SUCO: variants seen among roughly 807,000 people sequenced by gnomAD.
The protein encoded by SUCO is SUN domain containing ossification factor.
In SUCO, 57 loss-of-function variants were observed where a neutral mutation model predicts 148.1. That is an observed-to-expected ratio of 0.38 (90% CI 0.31 to 0.48). The LOEUF (loss-of-function observed/expected upper bound fraction) is 0.48. Ranked by LOEUF, SUCO falls within the 20% of genes least tolerant of loss-of-function variation. SUCO has a pLI of 0.96. For synonymous variants in SUCO, 470 were observed against 502.7 expected (o/e 0.93, Z 0.87); for missense variants, 1,331 against 1,468.2 (o/e 0.91, Z 1.53).
chr1:172,552,522 A>C, intron 2 of SUCO: 1 of 497,022 alleles, frequency 2.0e-6, no homozygotes, highest in Non-Finnish European at 2.6e-6. Flanking sequence ...TGTGTGTATC[A>C]ACACATACTT....
intron 6 of SUCO, among the ~76,000 whole-genome samples, chr1:172,564,679 G>A (rs533302361): frequency 1.3e-5 from 2 of 150,366 alleles, no homozygotes; most frequent in African/African-American, 4.9e-5. Context: ...CTAATACGTT[G>A]TCCTATACTA....
intron 19 of SUCO, among the ~76,000 whole-genome samples, chr1:172,594,993 A>T (rs954160456): frequency 6.6e-6 from 1 of 152,104 alleles, no homozygotes; most frequent in African/African-American, 2.4e-5. Context: ...TGTATTTAGG[A>T]TGGTTAGCTC....
chr1:172,571,471 C>G (rs111349064), intron 9 of SUCO, among the ~76,000 whole-genome samples: 1 of 151,822 alleles, frequency 6.6e-6, no homozygotes, highest in Non-Finnish European at 1.5e-5. Flanking sequence ...AGCCTGTGCC[C>G]GGCCGCCACC....
intron 4 of SUCO, 39 bp downstream of exon 4, chr1:172,556,062 C>T: frequency 6.5e-7 from 1 of 1,527,604 alleles, no homozygotes; most frequent in Non-Finnish European, 9.0e-7. Flanking sequence ...AAAGAATCTC[C>T]TTAGTTAGTG....
intron 19 of SUCO, among the ~76,000 whole-genome samples, chr1:172,592,234 C>G (rs1656726765): frequency 6.6e-6 from 1 of 152,138 alleles, no homozygotes; most frequent in African/African-American, 2.4e-5. Flanking sequence ...GTTGCCTGTT[C>G]ACTCTGATGG....
rs1653302310 is a variant in SUCO at position 172,551,566 on chromosome 1, A to T, written c.117A>T (p.Ser39=). 6.2e-7 allele frequency: 1 copy of T among 1,611,772 alleles called. No homozygotes were observed. The highest frequency in any genetic ancestry group is 1.1e-5 in the South Asian group (1 of 90,778). Residue 39 remains serine (S), a synonymous_variant, in exon 2 of 24, where the codon TCA becomes TCT. Transcript: ENST00000263688. The part of the protein sequence containing the change: ...CKESSSASAS[S]YYSQDDNCAL... ...AGAGTTCTTCAGCTTCAGCGTCATC[A>T]TATTACTCTCAAGATGACAACTGCG...
At chr1:172,539,101 T>C (rs945458681) in intron 1 of SUCO, among the ~76,000 whole-genome samples, 1 of 152,218 alleles carries the variant, frequency 6.6e-6, no homozygotes, top group Non-Finnish European at 1.5e-5. Context: ...CATGAACTTG[T>C]ACATCACTCT....
At chr1:172,532,997 G>T, upstream of SUCO, 1 of 1,411,582 alleles carries the variant, frequency 7.1e-7, no homozygotes, top group East Asian at 2.5e-5. Flanking sequence ...GTGGGGGTGC[G>T]GGCGCCGCGG....
In SUCO at chr1:172,570,158, A is replaced by G; in HGVS notation, c.968A>G (p.Asn323Ser). The change falls in exon 8 of 24, where the codon AAT becomes AGT. Residue 323 changes from asparagine (N) to serine (S), a missense_variant. Physicochemically the swap from Asn to Ser is conservative, Grantham distance 46 (BLOSUM62 1). Coordinates refer to ENST00000263688, the MANE Select transcript of SUCO (RefSeq NM_014283.5). ...VECGAKILAA[N>S]PEAKSTSAIL... The stretch of plus-strand genomic sequence containing the variant: ...TGTGGTGCCAAAATTCTAGCAGCTA[A>G]TCCAGAAGCCAAGGTAGGTGTTTAA... 4.4e-6 allele frequency: 7 copies of G among 1,579,384 alleles called. No homozygotes were observed. Among genetic ancestry groups the G allele is most frequent in the Non-Finnish European group, 5.2e-6 (6 of 1,162,082 alleles).
intron 9 of SUCO, among the ~76,000 whole-genome samples, chr1:172,572,529 C>T (rs1032673931): frequency 2.6e-5 from 4 of 151,376 alleles, no homozygotes; most frequent in African/African-American, 9.7e-5. Context: ...ATCACCACTC[C>T]CTAATCTCAA....
At chr1:172,587,306 T>C (rs1007816085) in intron 17 of SUCO, among the ~76,000 whole-genome samples, 1 of 152,080 alleles carries the variant, frequency 6.6e-6, no homozygotes, top group African/African-American at 2.4e-5. Context: ...CATGATAGGA[T>C]GTCACTGTTA....
intron 15 of SUCO, among the ~76,000 whole-genome samples, chr1:172,579,798 G>C (rs536140541): frequency 1.3e-5 from 2 of 152,178 alleles, no homozygotes; most frequent in Admixed American, 6.5e-5. Flanking sequence ...GAGACTACTA[G>C]AAAGACCATT....
chr1:172,561,457 G>A (rs2149237871), intron 6 of SUCO, among the ~76,000 whole-genome samples: 1 of 152,194 alleles, frequency 6.6e-6, no homozygotes, highest in East Asian at 1.9e-4. Flanking sequence ...CCATGAAGGT[G>A]GTGCCCTGAT....
chr1:172,610,158 A>T lies in SUCO; in HGVS notation c.3664A>T (p.Thr1222Ser). The T allele has an allele frequency of 1.2e-6, 2 of 1,613,620 alleles. No homozygotes were observed. Among genetic ancestry groups the T allele is most frequent in the East Asian group, 4.5e-5 (2 of 44,856 alleles). The stretch of plus-strand genomic sequence containing the variant: ...AAAATTGATAAAAACTCTAATACAG[A>T]CTAAGTCGGGATCATTGCCGAGCCT... ...QGKLIKTLIQ[T>S]KSGSLPSLHD... Residue 1222 changes from threonine (T) to serine (S), a missense_variant, in exon 24 of 24, where the codon ACT becomes TCT. Physicochemically the swap from Thr to Ser is moderately conservative, Grantham distance 58. Transcript: ENST00000263688.
intron 6 of SUCO, among the ~76,000 whole-genome samples, chr1:172,558,240 A>G (rs1653888967): frequency 6.6e-6 from 1 of 152,240 alleles, no homozygotes; most frequent in Non-Finnish European, 1.5e-5. Context: ...TGTGCAAAAT[A>G]CAACCAGACC....
chr1:172,608,597 A>G lies in SUCO; in HGVS notation c.3266-150A>G, dbSNP rs1292268523. ...TTGCTTACTAATTTAAAATGCATAA[A>G]TATATAGTTAACCTGATACAAATTC... On this transcript the variant is annotated intron_variant, in intron 22 of 23. Coordinates refer to ENST00000263688, the MANE Select transcript of SUCO (RefSeq NM_014283.5). 5.8e-6 allele frequency: 4 copies of G among 683,956 alleles called. No homozygotes were observed. The East Asian group carries it at 1.1e-4, about 18-fold the overall frequency. 42.4% of individuals were successfully genotyped at this position (683,956 alleles called of 1,614,324 possible).
chr1:172,532,987 G>GT, upstream of SUCO: 1 of 1,398,678 alleles, frequency 7.1e-7, no homozygotes, highest in East Asian at 2.5e-5. Context: ...GCAGAGGCTG[G>GT]TGGGGGTGCG....
intron 6 of SUCO, among the ~76,000 whole-genome samples, chr1:172,558,461 A>G (rs1653905107): frequency 6.6e-6 from 1 of 151,470 alleles, no homozygotes; most frequent in Non-Finnish European, 1.5e-5. Context: ...TAACAAAAAC[A>G]AAAATAAATA....
chr1:172,575,530 T>G lies in SUCO; in HGVS notation c.1170T>G (p.Asn390Lys). ...LVSISDRYPT[N>K]KWIKLGTFHG... ...TTATATTTTTTAGATATCCAACAAA[T>G]AAGTGGATTAAGCTGGGTACTTTTC... is the stretch of plus-strand genomic sequence containing the variant. The change falls in exon 11 of 24, where the codon AAT (asparagine) becomes AAG (lysine). Residue 390 changes from asparagine (N) to lysine (K), a missense_variant. Physicochemically the swap from Asn to Lys is moderately conservative, Grantham distance 94. Coordinates refer to ENST00000263688, the MANE Select transcript of SUCO (RefSeq NM_014283.5). 1.2e-6 allele frequency: 2 copies of G among 1,608,868 alleles called. No homozygotes were observed. Among genetic ancestry groups the G allele is most frequent in the Non-Finnish European group, 1.7e-6 (2 of 1,176,996 alleles).
Sources: gnomAD v4.1 joint callset for allele counts (sites outside exome capture counted in the v4.1 genomes callset) on GRCh38, gnomAD v4.1.1 for gene constraint, MANE v1.5 for transcripts, NCBI Gene and HGNC (gene_info 2026-07-23, HGNC 2026-07-21) for gene names.